CSMD1: variants seen among roughly 807,000 people sequenced by gnomAD.
CSMD1 encodes CUB and Sushi multiple domains 1.
In CSMD1, 213 loss-of-function variants were observed where a neutral mutation model predicts 417.5. That is an observed-to-expected ratio of 0.51 (90% CI 0.46 to 0.57). CSMD1 has a LOEUF of 0.57. CSMD1 is among the 20% of genes least tolerant of loss of function. The pLI is 0.00. For synonymous variants in CSMD1, 2,862 were observed against 1,736.8 expected (o/e 1.65, Z -16.11); for missense variants, 6,923 against 4,529.7 (o/e 1.53, Z -15.17).
At chr8:3,560,502 A>G (rs1799423168) in intron 10 of CSMD1, among the ~76,000 whole-genome samples, 1 of 152,214 alleles carries the variant, frequency 6.6e-6, no homozygotes, top group Non-Finnish European at 1.5e-5. Flanking sequence ...GTGCCCTAGA[A>G]GAAACCTAGA....
chr8:3,476,081 G>T (rs1017516534), intron 11 of CSMD1, among the ~76,000 whole-genome samples: 1 of 152,178 alleles, frequency 6.6e-6, no homozygotes, highest in East Asian at 1.9e-4. Context: ...GATGGCTCAT[G>T]CCTGTAATCC....
chr8:4,683,058 A>G lies in CSMD1; in HGVS notation c.86-45500T>C, dbSNP rs536186896. On this transcript the variant is annotated intron_variant, in intron 1 of 69. Transcript: ENST00000635120. ...GAAATATAAGTATTAGAATAGTCCA[A>G]TGTCATTGTGGCATAGAATTTAGAA... Among the ~76,000 whole-genome samples, 208 of 149,264 alleles carry G rather than the reference A, an allele frequency of 1.4e-3. 1 individual carries two copies. Among genetic ancestry groups the G allele is most frequent in the Middle Eastern group, 4.5e-3 (1 of 222 alleles).
intron 5 of CSMD1, among the ~76,000 whole-genome samples, chr8:3,889,015 T>C (rs1433137840): frequency 6.6e-6 from 1 of 152,166 alleles, no homozygotes; most frequent in African/African-American, 2.4e-5. Context: ...ACTCATTCAA[T>C]TACCATAATT....
chr8:4,375,993 G>C (rs1017049153), intron 3 of CSMD1, among the ~76,000 whole-genome samples: 1 of 152,112 alleles, frequency 6.6e-6, no homozygotes, highest in Admixed American at 6.5e-5. Flanking sequence ...CTGTTTCTGA[G>C]AGCAGCCAAG....
intron 5 of CSMD1, among the ~76,000 whole-genome samples, chr8:3,770,015 G>T (rs1233278407): frequency 6.6e-6 from 1 of 152,030 alleles, no homozygotes; most frequent in Admixed American, 6.5e-5. Flanking sequence ...CCTTTTTTTA[G>T]ATCCGGCCAA....
At chr8:3,561,985 T>C (rs76463911) in intron 10 of CSMD1, among the ~76,000 whole-genome samples, 122,027 of 151,722 alleles carry the variant, frequency 0.8, 49,736 homozygotes, top group Middle Eastern at 0.88. Context: ...TTGCCTTATC[T>C]GCTACGTCAG....
intron 5 of CSMD1, among the ~76,000 whole-genome samples, chr8:3,916,821 G>T (rs564887470): frequency 1.3e-5 from 2 of 152,046 alleles, no homozygotes; most frequent in African/African-American, 4.8e-5. Flanking sequence ...ATTATGGGGG[G>T]TGGTCTTAGA....
chr8:4,574,960 T>C lies in CSMD1; in HGVS notation c.302+62382A>G, dbSNP rs569180243. 9.8e-5 allele frequency among the ~76,000 whole-genome samples: 15 copies of C among 152,350 alleles called. No homozygotes were observed. In the South Asian group the frequency reaches 3.1e-3, roughly 32 times the overall value. On this transcript the variant is annotated intron_variant, in intron 2 of 69. Coordinates refer to ENST00000635120, the MANE Select transcript of CSMD1 (RefSeq NM_033225.6). ...AGATCAAGAACTATTCCTAATGACC[T>C]CTATGAAATTCAGGTGAAATTCGGT...
At chr8:3,207,053 G>A (rs1332740284) in intron 30 of CSMD1, among the ~76,000 whole-genome samples, 1 of 151,168 alleles carries the variant, frequency 6.6e-6, no homozygotes, top group Non-Finnish European at 1.5e-5. Context: ...TACCGCCACT[G>A]ATTTGAATTC....
At chr8:4,934,545 G>A (rs1807468754) in intron 1 of CSMD1, among the ~76,000 whole-genome samples, 1 of 152,114 alleles carries the variant, frequency 6.6e-6, no homozygotes, top group Non-Finnish European at 1.5e-5. Flanking sequence ...TTGCTACTAG[G>A]AACGAGATGG....
At chr8:4,631,287 G>A (rs1171563195) in intron 2 of CSMD1, among the ~76,000 whole-genome samples, 3 of 152,124 alleles carry the variant, frequency 2.0e-5, no homozygotes, top group South Asian at 2.1e-4. Context: ...GCTGGAACCT[G>A]GGAGGCAGAG....
intron 4 of CSMD1, among the ~76,000 whole-genome samples, chr8:4,028,133 G>A (rs569401217): frequency 3.9e-5 from 6 of 152,230 alleles, no homozygotes; most frequent in African/African-American, 1.4e-4. Context: ...TCAGGAACAT[G>A]AAGAGAAAAT....
intron 1 of CSMD1, among the ~76,000 whole-genome samples, chr8:4,883,183 G>A (rs1803520481): frequency 1.3e-5 from 2 of 152,172 alleles, no homozygotes; most frequent in South Asian, 2.1e-4. Flanking sequence ...CAAGAATGCT[G>A]TAGAATGCTA....
intron 11 of CSMD1, among the ~76,000 whole-genome samples, chr8:3,479,572 G>A (rs750502944): frequency 4.3e-4 from 65 of 152,146 alleles, no homozygotes; most frequent in Non-Finnish European, 7.9e-4. Flanking sequence ...GAGCCACCGC[G>A]CCCAGCCTGC....
Position 3,142,544 on chromosome 8 carries a change from C to A in CSMD1, c.6162G>T (p.Leu2054=), listed in dbSNP as rs1293693782. The change falls in exon 41 of 70, where the codon CTG becomes CTT. Residue 2054 remains leucine (L), a synonymous_variant. Transcript: ENST00000635120. The part of the protein sequence containing the change: ...FSGTDLPAAL[L]STTHETLIHF... ...GGATGAGGGTTTCATGCGTTGTGCT[C>A]AGCAGGGCCGCGGGGAGATCCGTGC... The A allele has an allele frequency of 5.0e-6, 8 of 1,613,836 alleles. No individual in the cohort carries two copies. The Admixed American group carries it at 5.0e-5, about 10-fold the overall frequency.
chr8:3,539,893 C>G (rs1279380063), intron 10 of CSMD1, among the ~76,000 whole-genome samples: 1 of 152,116 alleles, frequency 6.6e-6, no homozygotes, highest in African/African-American at 2.4e-5. Flanking sequence ...AACGGCTTCC[C>G]TTTGAATTTA....
intron 23 of CSMD1, among the ~76,000 whole-genome samples, chr8:3,308,722 C>CTACT (rs1221787613): frequency 2.1e-5 from 3 of 140,608 alleles, no homozygotes; most frequent in Non-Finnish European, 3.0e-5. Flanking sequence ...TTGTTCCTCC[C>CTACT]TACTTACAAG....
intron 2 of CSMD1, among the ~76,000 whole-genome samples, chr8:4,562,803 A>C (rs1585253578): frequency 1.3e-5 from 2 of 152,288 alleles, no homozygotes; most frequent in African/African-American, 4.8e-5. Flanking sequence ...ATATAAATAA[A>C]TACAGCAGAT....
chr8:4,798,989 C>T (rs1456252961), intron 1 of CSMD1, among the ~76,000 whole-genome samples: 1 of 152,310 alleles, frequency 6.6e-6, no homozygotes, highest in East Asian at 1.9e-4. Context: ...CCACATCCTC[C>T]TTCCTCAACT....
Sources: allele counts gnomAD v4.1 joint callset (sites outside exome capture counted in the v4.1 genomes callset), GRCh38; gene constraint gnomAD v4.1.1; transcripts MANE v1.5; gene names NCBI Gene and HGNC (gene_info 2026-07-23, HGNC 2026-07-21).